The following TDRD12 variants were observed in gnomAD, a reference collection of about 807,000 sequenced individuals.
TDRD12 encodes the protein tudor domain containing 12, also known as putative ATP-dependent RNA helicase TDRD12.
In TDRD12, 158 loss-of-function variants were observed where a neutral mutation model predicts 133.5. That is an observed-to-expected ratio of 1.18 (90% CI 1.04 to 1.35). TDRD12 has a LOEUF of 1.35. Among genes scored for constraint, TDRD12 ranks in the 40% most tolerant of loss-of-function variants. The pLI is 0.00. For missense variants in TDRD12, 1,443 were observed against 1,321.3 expected, an observed-to-expected ratio of 1.09 and a Z score of -1.43; for synonymous variants, 460 against 477.9, an observed-to-expected ratio of 0.96 and a Z score of 0.49.
exon 24 of TDRD12, chr19:32,811,377 G>A (rs1164742024): frequency 3.9e-6 from 6 of 1,536,054 alleles, no homozygotes; most frequent in Middle Eastern, 1.7e-4. Context: ...TTTATTGTCT[G>A]TAGGGTGAAA....
At chr19:32,744,660 T>G (rs890086550) in intron 4 of TDRD12, among the ~76,000 whole-genome samples, 4 of 152,154 alleles carry the variant, frequency 2.6e-5, no homozygotes, top group Non-Finnish European at 5.9e-5. Context: ...GACAGATCCC[T>G]GCCCTGGGCA....
At chr19:32,816,482 C>T (rs1967185051) in intron 26 of TDRD12, among the ~76,000 whole-genome samples, 1 of 152,238 alleles carries the variant, frequency 6.6e-6, no homozygotes, top group Admixed American at 6.5e-5. Context: ...TAAATTCTCA[C>T]AGCTACATAA....
At chr19:32,796,096 A>G (rs573063639) in intron 14 of TDRD12, 3 of 943,200 alleles carry the variant, frequency 3.2e-6, no homozygotes, top group Admixed American at 6.2e-5. Flanking sequence ...GATGCAGGGC[A>G]TGGCCCTGTG....
chr19:32,738,613 A>G (rs1014472137), intron 2 of TDRD12, among the ~76,000 whole-genome samples: 10 of 152,164 alleles, frequency 6.6e-5, no homozygotes, highest in Non-Finnish European at 1.3e-4. Flanking sequence ...AAGGAGTTTG[A>G]GACCAGCTTA....
In TDRD12 at chr19:32,738,993, G is replaced by C. The variant is rs1446882282; in HGVS notation, c.320+1G>C. On this transcript the variant is annotated splice_donor_variant, in intron 3 of 27. Coordinates refer to ENST00000444215, the Ensembl canonical transcript of TDRD12. LOFTEE classifies it high-confidence loss of function. The stretch of plus-strand genomic sequence containing the variant: ...AGAACATTCCAGTCAAATCTAAAAA[G>C]TATGTACATGTTTATCTCACCTTAC... 1 of 1,550,114 alleles carries C rather than the reference G, an allele frequency of 6.5e-7. No individual in the cohort carries two copies. The highest frequency in any genetic ancestry group is 8.7e-7 in the Non-Finnish European group (1 of 1,146,936).
At chr19:32,723,143 TC>T (rs1968742205) in intron 1 of TDRD12, among the ~76,000 whole-genome samples, 1 of 152,242 alleles carries the variant, frequency 6.6e-6, no homozygotes, top group Non-Finnish European at 1.5e-5. Context: ...CTATCCGTCC[TC>T]CTTTGTGTCT....
rs75714638 is a variant in TDRD12, at chr19:32,738,836, ACT to A, written c.184-15_184-14del. On this transcript the variant is annotated intron_variant, in intron 2 of 27. Transcript: ENST00000444215. ...TCAAAAAAATAAATAAATAAAAATA[ACT>A]CTCTGTTTATTTTGCAGGTGTGTGT... 44,930 of 1,546,112 alleles carry A rather than the reference ACT, an allele frequency of 0.029. 1,098 individuals are homozygous for A. The highest frequency in any genetic ancestry group is 0.11 in the South Asian group (9,501 of 83,048).
chr19:32,761,082 T>C (rs1160735455), intron 8 of TDRD12, among the ~76,000 whole-genome samples: 1 of 152,158 alleles, frequency 6.6e-6, no homozygotes, highest in Non-Finnish European at 1.5e-5. Flanking sequence ...TCGTTCAGCA[T>C]CACTTGTTGC....
At chr19:32,806,958 G>A (rs1192736432) in intron 21 of TDRD12, among the ~76,000 whole-genome samples, 9 of 152,084 alleles carry the variant, frequency 5.9e-5, no homozygotes, top group Non-Finnish European at 1.2e-4. Flanking sequence ...CACTGTGCTC[G>A]GCCTCAAATA....
intron 21 of TDRD12, among the ~76,000 whole-genome samples, chr19:32,807,258 C>A (rs556183674): frequency 1.5e-3 from 101 of 69,512 alleles, no homozygotes; most frequent in African/African-American, 7.5e-3. Context: ...CAGAGTGAGA[C>A]CAAACTCTTA....
chr19:32,741,583 G>GT (rs1194926237), intron 3 of TDRD12, among the ~76,000 whole-genome samples: 3 of 152,178 alleles, frequency 2.0e-5, no homozygotes, highest in Non-Finnish European at 4.4e-5. Context: ...CATTTAGTTT[G>GT]TTTTGGGTGA....
chr19:32,818,065 T>C (rs1415403124), intron 26 of TDRD12, 24 bp from the exon 27 acceptor site: 1 of 702,382 alleles, frequency 1.4e-6, no homozygotes, highest in Admixed American at 2.0e-5. Flanking sequence ...TATTTGCAAA[T>C]GAAGTCTGCT....
Position 32,815,622 on chromosome 19 carries a change from T to C in TDRD12, c.3314+2T>C. 1.3e-6 allele frequency: 2 copies of C among 1,529,136 alleles called. No individual in the cohort carries two copies. The highest frequency in any genetic ancestry group is 1.7e-6 in the Non-Finnish European group (2 of 1,144,588). 94.7% of individuals were successfully genotyped at this position (1,529,136 alleles called of 1,614,324 possible). ...TGAAGAAAGCCTAAGCCAGACCCCG[T>C]AAGTGGATTTCTGTCTCCTTTTTGG... On this transcript the variant is annotated splice_donor_variant, in intron 26 of 27. Coordinates refer to ENST00000444215, the Ensembl canonical transcript of TDRD12. LOFTEE classifies it high-confidence loss of function.
At chr19:32,740,254 T>TG (rs201723195) in intron 3 of TDRD12, among the ~76,000 whole-genome samples, 1 of 80,538 alleles carries the variant, frequency 1.2e-5, no homozygotes, top group Non-Finnish European at 2.4e-5. Context: ...CTGCATCTCC[T>TG]GGTGCTCTCT....
At chr19:32,776,481 G>A (rs574616145) in intron 10 of TDRD12, among the ~76,000 whole-genome samples, 3 of 152,314 alleles carry the variant, frequency 2.0e-5, no homozygotes, top group East Asian at 1.9e-4. Context: ...TTTAAAGGGC[G>A]CCTCTTCCCG....
chr19:32,742,942 C>G, intron 4 of TDRD12, 42 bp downstream of exon 4: 2 of 1,547,354 alleles, frequency 1.3e-6, no homozygotes, highest in Non-Finnish European at 8.7e-7. Flanking sequence ...TTAGTAAAAG[C>G]CTTCTATCAA....
chr19:32,815,610 A>G, exon 26 of TDRD12: 20 of 1,532,986 alleles, frequency 1.3e-5, no homozygotes, highest in Non-Finnish European at 1.7e-5. Flanking sequence ...AGAAAGCCTA[A>G]GCCAGACCCC....
chr19:32,814,041 G>A (rs1259357715), intron 25 of TDRD12, among the ~76,000 whole-genome samples: 3 of 152,176 alleles, frequency 2.0e-5, no homozygotes, highest in Non-Finnish European at 4.4e-5. Context: ...ACATGCAGCC[G>A]AACAAAGCTT....
chr19:32,814,207 A>G (rs910160195), intron 25 of TDRD12, among the ~76,000 whole-genome samples: 1 of 152,104 alleles, frequency 6.6e-6, no homozygotes, highest in Admixed American at 6.5e-5. Flanking sequence ...CCTGCAGAGC[A>G]GCCGTGGGAG....
Sources: gnomAD v4.1 joint callset for allele counts (sites outside exome capture counted in the v4.1 genomes callset) on GRCh38, gnomAD v4.1.1 for gene constraint, MANE v1.5 for transcripts, NCBI Gene and HGNC (gene_info 2026-07-23, HGNC 2026-07-21) for gene names.